The following USP32 variants were observed in gnomAD, a reference collection of about 807,000 sequenced individuals.
The protein encoded by USP32 is ubiquitin specific peptidase 32, also known as ubiquitin carboxyl-terminal hydrolase 32.
In USP32, 59 loss-of-function variants were observed where a neutral mutation model predicts 204.8. The ratio of observed to expected loss-of-function variants is 0.29; its 90% CI spans 0.23 to 0.36. The LOEUF (loss-of-function observed/expected upper bound fraction) is 0.36, where lower values mean the gene tolerates loss of function less well. USP32 is among the 10% of genes least tolerant of loss of function. The pLI is 1.00. For missense variants in USP32, 1,160 were observed against 1,946.4 expected, an observed-to-expected ratio of 0.60 and a Z score of 7.60; for synonymous variants, 517 against 678.4, an observed-to-expected ratio of 0.76 and a Z score of 3.70.
At chr17:60,359,773 T>C (rs1266007603) in intron 1 of USP32, among the ~76,000 whole-genome samples, 1 of 152,158 alleles carries the variant, frequency 6.6e-6, no homozygotes, top group Non-Finnish European at 1.5e-5. Flanking sequence ...ATTGAACCAC[T>C]ATACTCCAGC....
At chr17:60,307,098 TTTC>T (rs1037095288) in intron 2 of USP32, among the ~76,000 whole-genome samples, 1 of 151,456 alleles carries the variant, frequency 6.6e-6, no homozygotes, top group Admixed American at 6.6e-5. Context: ...TTTTTTTTCC[TTTC>T]TTTTTTTTTT....
intron 18 of USP32, 62 bp from the exon 19 acceptor site, chr17:60,212,160 C>CTTTTTT (rs542341021): frequency 1.0e-6 from 1 of 978,704 alleles, no homozygotes; most frequent in Admixed American, 3.0e-5. Context: ...CATTCGATTG[C>CTTTTTT]TTTTTTTTTT....
Position 60,245,179 on chromosome 17 carries a change from A to G in USP32, c.1136+7202T>C, listed in dbSNP as rs368835253. ...ATAAAATAAACAGAATGGTATATTT[A>G]TACTGTCTTTTATTATTACCTATGT... On this transcript the variant is annotated intron_variant, in intron 11 of 33. Coordinates refer to ENST00000300896, the MANE Select transcript of USP32 (RefSeq NM_032582.4). 20 of 191,128 alleles carry G rather than the reference A, an allele frequency of 1.0e-4. No individual in the cohort carries two copies. In the East Asian group the frequency reaches 1.7e-3, roughly 16 times the overall value. 11.8% of individuals were successfully genotyped at this position (191,128 alleles called of 1,614,324 possible). A position where few individuals can be genotyped will look rare whatever the true frequency, so the allele number is the denominator to read the frequency against.
chr17:60,244,798 A>G (rs940001285), intron 11 of USP32, among the ~76,000 whole-genome samples: 1 of 152,278 alleles, frequency 6.6e-6, no homozygotes. Flanking sequence ...CGCCAGGCTA[A>G]TTTTTGTACT....
In USP32 at chr17:60,266,034, C is replaced by T. The variant is rs767123779; in HGVS notation, c.869G>A (p.Arg290Lys). ...RDGVLSRVELRDMVVALLEVW... is the reference protein window; with the variant it reads ...RDGVLSRVELKDMVVALLEVW... ...TTCTAAAAGTGCAACCACCATGTCT[C>T]TCAGTTCAACCCTGGAGAGAACTCC... The change falls in exon 8 of 34, where the codon AGA becomes AAA. Residue 290 changes from arginine (R) to lysine (K), a missense_variant. Arg to Lys is a conservative substitution (Grantham distance 26). Coordinates refer to ENST00000300896, the MANE Select transcript of USP32 (RefSeq NM_032582.4). 2.5e-6 allele frequency: 4 copies of T among 1,614,096 alleles called. No homozygotes were observed. Among genetic ancestry groups the T allele is most frequent in the Non-Finnish European group, 3.4e-6 (4 of 1,179,974 alleles).
intron 11 of USP32, among the ~76,000 whole-genome samples, chr17:60,238,585 C>T (rs1411799142): frequency 6.6e-6 from 1 of 151,878 alleles, no homozygotes; most frequent in Non-Finnish European, 1.5e-5. Context: ...GGCAGATAAC[C>T]TGAGGTCAGG....
intron 2 of USP32, among the ~76,000 whole-genome samples, chr17:60,302,476 C>T (rs1300657450): frequency 6.6e-6 from 1 of 152,204 alleles, no homozygotes; most frequent in African/African-American, 2.4e-5. Flanking sequence ...CTAGGCTAAG[C>T]TCTGATGTTT....
chr17:60,275,812 A>G (rs892075357), intron 5 of USP32, among the ~76,000 whole-genome samples: 3 of 151,938 alleles, frequency 2.0e-5, no homozygotes, highest in Non-Finnish European at 4.4e-5. Context: ...CCTAGGTTCT[A>G]GCGATTCTCC....
chr17:60,376,741 C>T (rs1257286459), intron 1 of USP32, among the ~76,000 whole-genome samples: 2 of 151,790 alleles, frequency 1.3e-5, no homozygotes, highest in Non-Finnish European at 2.9e-5. Context: ...AGGCTGGTCT[C>T]GAACTCCTGA....
chr17:60,415,788 C>A (rs1252046814), intron 1 of USP32, among the ~76,000 whole-genome samples: 2 of 152,060 alleles, frequency 1.3e-5, no homozygotes, highest in Non-Finnish European at 1.5e-5. Flanking sequence ...GGAGCAAGAA[C>A]AAAAATCCTC....
chr17:60,402,798 T>C (rs2089946391), intron 1 of USP32, among the ~76,000 whole-genome samples: 1 of 152,170 alleles, frequency 6.6e-6, no homozygotes, highest in Non-Finnish European at 1.5e-5. Context: ...TCAGCTGCAG[T>C]GGCCTGAAAG....
At position 60,191,351 on chromosome 17, in the gene USP32, G is replaced by A. The variant is rs867675290; in HGVS notation, c.3522-668C>T. 2.1e-4 allele frequency among the ~76,000 whole-genome samples: 30 copies of A among 143,852 alleles called. 1 individual carries two copies. Among genetic ancestry groups the A allele is most frequent in the South Asian group, 6.8e-4 (3 of 4,398 alleles). The allele number at this position is 143,852 out of a possible 152,430, so 94.4% of individuals were successfully genotyped here. A position where few individuals can be genotyped will look rare whatever the true frequency, so the allele number is the denominator to read the frequency against. On this transcript the variant is annotated intron_variant, in intron 28 of 33. Transcript: ENST00000300896. ...TGGGAGGTGGAGGTTGCAGTGAGCC[G>A]AGGTTGCACCACTGCACTGCAGCCT...
chr17:60,359,281 T>C (rs142007289), intron 1 of USP32, among the ~76,000 whole-genome samples: 7 of 152,228 alleles, frequency 4.6e-5, no homozygotes, highest in African/African-American at 1.4e-4. Context: ...TTATATTGTA[T>C]GTTTATTGAA....
At chr17:60,332,725 C>T (rs1383725746) in intron 2 of USP32, among the ~76,000 whole-genome samples, 1 of 152,204 alleles carries the variant, frequency 6.6e-6, no homozygotes, top group Admixed American at 6.5e-5. Context: ...ACCCAGTCTC[C>T]AGGCAAGCTT....
intron 32 of USP32, among the ~76,000 whole-genome samples, chr17:60,180,899 T>A (rs1218712759): frequency 1.4e-5 from 2 of 140,576 alleles, no homozygotes; most frequent in East Asian, 4.0e-4. Flanking sequence ...TATTATTATT[T>A]TGAGACAGGG....
At chr17:60,213,328 C>T (rs1598075829) in intron 18 of USP32, among the ~76,000 whole-genome samples, 2 of 152,330 alleles carry the variant, frequency 1.3e-5, no homozygotes, top group South Asian at 4.1e-4. Context: ...TTTTTATCTA[C>T]CATTCCCATT....
At chr17:60,232,278 T>G (rs2085582678) in intron 12 of USP32, among the ~76,000 whole-genome samples, 1 of 149,448 alleles carries the variant, frequency 6.7e-6, no homozygotes. Context: ...GTTTAAGCGA[T>G]TCTCCTGCCT....
chr17:60,331,403 A>C (rs1051161900), intron 2 of USP32, among the ~76,000 whole-genome samples: 19 of 150,980 alleles, frequency 1.3e-4, no homozygotes, highest in African/African-American at 4.6e-4. Context: ...CTATCTCTAC[A>C]AAAAAATACA....
chr17:60,414,355 A>G (rs2090043739), intron 1 of USP32, among the ~76,000 whole-genome samples: 1 of 150,850 alleles, frequency 6.6e-6, no homozygotes, highest in Non-Finnish European at 1.5e-5. Flanking sequence ...AGAGCAAGAC[A>G]AGATGTTATC....
Sources: gnomAD v4.1 joint callset for allele counts (sites outside exome capture counted in the v4.1 genomes callset) on GRCh38, gnomAD v4.1.1 for gene constraint, MANE v1.5 for transcripts, NCBI Gene and HGNC (gene_info 2026-07-23, HGNC 2026-07-21) for gene names.